Variants in PARP12 observed in about 807,000 individuals in gnomAD.
PARP12 encodes the protein poly(ADP-ribose) polymerase family member 12, also known as protein mono-ADP-ribosyltransferase PARP12.
PARP12 carries 59 observed loss-of-function variants against 72.4 expected under a neutral mutation model. The observed-to-expected ratio is 0.81, with a 90% CI of 0.66 to 1.01. The LOEUF is 1.01. PARP12 is among the 50% of genes least tolerant of loss of function. The probability of loss-of-function intolerance (pLI) is 0.00; values close to 1 mark genes in which losing one functional copy is unlikely to be tolerated. For missense variants in PARP12, 851 were observed against 914.0 expected (o/e 0.93, Z 0.89); for synonymous variants, 403 against 371.4 (o/e 1.09, Z -0.98).
chr7:140,048,734 C>G (rs1183263636), intron 4 of PARP12, among the ~76,000 whole-genome samples: 1 of 152,134 alleles, frequency 6.6e-6, no homozygotes, highest in Admixed American at 6.5e-5. Flanking sequence ...CTTTGAACCA[C>G]AAGAAGATAT....
chr7:140,037,605 C>T (rs1423244439), intron 7 of PARP12, 110 bp downstream of exon 7: 2 of 1,493,826 alleles, frequency 1.3e-6, no homozygotes, highest in African/African-American at 2.8e-5. Flanking sequence ...CTTTTCTTTC[C>T]TGTACCCACC....
Position 140,034,244 on chromosome 7 carries a change from A to G in PARP12, c.1412T>C (p.Met471Thr). ...CCCCACTGCAACCTACCAGGTTTGC[A>G]TGGTCGTCACATCCTGGGGAGACAC... Reference protein sequence around the residue: ...KYVSPQDVTTMQTCNTKFPGP... With the variant: ...KYVSPQDVTTTQTCNTKFPGP... Residue 471 changes from methionine (M) to threonine (T), a missense_variant, in exon 8 of 12, where the codon ATG (methionine) becomes ACG (threonine). Physicochemically the swap from Met to Thr is moderately conservative, Grantham distance 81 (BLOSUM62 -1). Around this residue, in one of 3 missense-constraint regions of PARP12, gnomAD observed 347 missense variants for 396.1 expected, o/e 0.88. Coordinates refer to ENST00000263549, the MANE Select transcript of PARP12 (RefSeq NM_022750.4). The G allele has an allele frequency of 6.2e-7, 1 of 1,612,800 alleles. No individual in the cohort carries two copies. The highest frequency in any genetic ancestry group is 8.5e-7 in the Non-Finnish European group (1 of 1,179,168).
In PARP12 at chr7:140,046,882, A is replaced by G; in HGVS notation, c.986+2T>C. 1 of 1,612,456 alleles carries G rather than the reference A, an allele frequency of 6.2e-7. No individual in the cohort carries two copies. The highest frequency in any genetic ancestry group is 8.5e-7 in the Non-Finnish European group (1 of 1,179,516). The stretch of plus-strand genomic sequence containing the variant: ...AGCAGAGACAAGGGACATATTTCCT[A>G]CCTTTCTATTTTGGGATTGCAATAT... On this transcript the variant is annotated splice_donor_variant, in intron 5 of 11. Transcript: ENST00000263549. LOFTEE classifies it high-confidence loss of function.
intron 8 of PARP12, among the ~76,000 whole-genome samples, chr7:140,029,307 T>C (rs1165052300): frequency 1.3e-5 from 2 of 152,206 alleles, no homozygotes; most frequent in East Asian, 3.8e-4. Flanking sequence ...ACATTATCTT[T>C]CTAAAAATTA....
rs28660638 is a variant in PARP12 at position 140,027,543 on chromosome 7, T to C, written c.1498-137A>G. The C allele has an allele frequency of 5.4e-3, 5,689 of 1,045,600 alleles. 217 individuals carry two copies. The African/African-American group carries it at 0.08, about 15-fold the overall frequency. 64.8% of individuals were successfully genotyped at this position (1,045,600 alleles called of 1,614,324 possible). On this transcript the variant is annotated intron_variant, in intron 9 of 11. Transcript: ENST00000263549. ...GAGCAGTGACCACATTCTCCTGTGG[T>C]TTCTCCAGGCACAGGAGACAATCGG...
Position 140,026,356 on chromosome 7 carries a change from C to A in PARP12, c.1629-8G>T. ...TGCATCTGTCCTTTTTGCCTAGAAT[C>A]ACAGAAGAATGTGTGCTGGGGGCAG... On this transcript the variant is annotated splice_polypyrimidine_tract_variant and splice_region_variant and intron_variant, in intron 10 of 11. Coordinates refer to ENST00000263549, the MANE Select transcript of PARP12 (RefSeq NM_022750.4). 6.2e-7 allele frequency: 1 copy of A among 1,606,284 alleles called. No homozygotes were observed.
chr7:140,029,343 G>A (rs752167405), intron 8 of PARP12, among the ~76,000 whole-genome samples: 49 of 152,278 alleles, frequency 3.2e-4, no homozygotes, highest in Non-Finnish European at 6.2e-4. Context: ...AAAGACATAT[G>A]GATCAAGGGT....
intron 1 of PARP12, 64 bp from the exon 2 acceptor site, chr7:140,058,098 G>A (rs1817265116): frequency 6.4e-7 from 1 of 1,570,536 alleles, no homozygotes; most frequent in East Asian, 2.2e-5. Context: ...CTATGTTGGA[G>A]TCCTAACTCC....
intron 8 of PARP12, chr7:140,033,394 G>C: frequency 1.0e-6 from 1 of 985,314 alleles, no homozygotes; most frequent in Non-Finnish European, 1.2e-6. Context: ...CCATAAAATA[G>C]ACACAAGCCA....
chr7:140,059,848 C>A (rs1817367066), intron 1 of PARP12, among the ~76,000 whole-genome samples: 2 of 152,154 alleles, frequency 1.3e-5, no homozygotes, highest in Non-Finnish European at 2.9e-5. Context: ...CTGAGCCAGT[C>A]AGGGCTGGGA....
chr7:140,037,834 G>A lies in PARP12; in HGVS notation c.1205C>T (p.Thr402Ile). ...CTTCTCCACGTCGCTACTGCTGACA[G>A]TGGTCACAGGGTGCACCGTGCCCTG... ...GRQGTVHPVT[T>I]VSSSDVEKAY... The change falls in exon 7 of 12, where the codon ACT becomes ATT. Residue 402 changes from threonine to isoleucine, a missense_variant. By Grantham distance (89) the Thr-to-Ile change is moderately conservative (BLOSUM62 -1). Coordinates refer to ENST00000263549, the MANE Select transcript of PARP12 (RefSeq NM_022750.4). 3 of 1,613,066 alleles carry A rather than the reference G, an allele frequency of 1.9e-6. No individual in the cohort carries two copies. Among genetic ancestry groups the A allele is most frequent in the Non-Finnish European group, 2.5e-6 (3 of 1,179,090 alleles).
At chr7:140,024,927 A>G (rs1815675249) in intron 11 of PARP12, 42 bp from the exon 12 acceptor site, 1 of 1,586,748 alleles carries the variant, frequency 6.3e-7, no homozygotes, top group Non-Finnish European at 8.6e-7. Context: ...AGGGGCCTGC[A>G]GCCAGGAAGG....
intron 4 of PARP12, among the ~76,000 whole-genome samples, chr7:140,049,441 G>C (rs1369205054): frequency 6.6e-6 from 1 of 152,198 alleles, no homozygotes; most frequent in East Asian, 1.9e-4. Flanking sequence ...CAACCAACCA[G>C]TTCCTGTTCC....
At chr7:140,053,120 T>C (rs1817030447) in intron 4 of PARP12, among the ~76,000 whole-genome samples, 2 of 152,170 alleles carry the variant, frequency 1.3e-5, no homozygotes, top group Admixed American at 6.5e-5. Context: ...TGGAAACATA[T>C]ATCCACATGA....
At chr7:140,060,287 A>C (rs574308939) in intron 1 of PARP12, among the ~76,000 whole-genome samples, 2 of 152,308 alleles carry the variant, frequency 1.3e-5, no homozygotes, top group South Asian at 4.1e-4. Flanking sequence ...CACCAGGCTC[A>C]ATGCCTCCTG....
At chr7:140,052,071 G>A (rs892966707) in intron 4 of PARP12, among the ~76,000 whole-genome samples, 4 of 152,094 alleles carry the variant, frequency 2.6e-5, no homozygotes, top group African/African-American at 9.7e-5. Flanking sequence ...GGATCCTACT[G>A]GTAAAGCCAT....
Position 140,062,907 on chromosome 7 carries a change from T to C in PARP12, c.-60A>G. 8.4e-7 allele frequency: 1 copy of C among 1,195,184 alleles called. No individual in the cohort carries two copies. The highest frequency in any genetic ancestry group is 3.1e-5 in the South Asian group (1 of 32,496). 74.0% of individuals were successfully genotyped at this position (1,195,184 alleles called of 1,614,324 possible). On this transcript the variant is annotated 5_prime_UTR_variant, in exon 1 of 12. Transcript: ENST00000263549. Reference sequence around the variant, plus strand: ...GCGCGACGCGGACGGCGGCGGACGCTGGCTGGCGGGCGGCTCTCGCAGGGT... The same window carrying C: ...GCGCGACGCGGACGGCGGCGGACGCCGGCTGGCGGGCGGCTCTCGCAGGGT...
intron 10 of PARP12, 63 bp downstream of exon 10, chr7:140,027,213 G>A: frequency 1.3e-6 from 2 of 1,576,334 alleles, no homozygotes; most frequent in Middle Eastern, 4.2e-4. Context: ...GCCACATGTG[G>A]CAACCAGCCA....
intron 5 of PARP12, among the ~76,000 whole-genome samples, chr7:140,045,854 C>A (rs866687475): frequency 3.9e-4 from 60 of 152,302 alleles, no homozygotes; most frequent in Middle Eastern, 3.4e-3. Context: ...TTGTAGTTTG[C>A]CCATTTGGAG....
Sources: gnomAD v4.1 joint callset for allele counts (sites outside exome capture counted in the v4.1 genomes callset) on GRCh38, gnomAD v4.1.1 for gene constraint, gnomAD v4.1.1 regional missense constraint, MANE v1.5 for transcripts, NCBI Gene and HGNC (gene_info 2026-07-23, HGNC 2026-07-21) for gene names.